FKBP7: variants seen among roughly 807,000 people sequenced by gnomAD.
The protein encoded by FKBP7 is peptidyl-prolyl cis-trans isomerase FKBP7.
A neutral mutation model predicts 24.3 loss-of-function variants in FKBP7; 24 were observed. The observed-to-expected ratio is 0.99, with a 90% CI of 0.72 to 1.39. The LOEUF (loss-of-function observed/expected upper bound fraction) is 1.39. Among genes scored for constraint, FKBP7 ranks in the 40% most tolerant of loss-of-function variants. FKBP7 has a pLI of 0.00. For missense variants in FKBP7, 257 were observed against 269.5 expected (o/e 0.95, Z 0.33); for synonymous variants, 98 against 92.8 (o/e 1.06, Z -0.32).
intron 2 of FKBP7, among the ~76,000 whole-genome samples, chr2:178,472,731 C>A (rs143865618): frequency 0.01 from 1,534 of 151,776 alleles, 34 homozygotes; most frequent in African/African-American, 0.035. Context: ...TGCCTGTAAT[C>A]CCAGCTCCTC....
chr2:178,471,416 T>G (rs1684844649), intron 2 of FKBP7, among the ~76,000 whole-genome samples: 1 of 152,094 alleles, frequency 6.6e-6, no homozygotes, highest in Non-Finnish European at 1.5e-5. Context: ...TTTCACCATG[T>G]TGGCCAGGCT....
chr2:178,477,152 C>G lies in FKBP7; in HGVS notation c.283G>C (p.Gly95Arg). The change falls in exon 2 of 4, where the codon GGC (glycine) becomes CGC (arginine). Residue 95 changes from glycine to arginine, a missense_variant. By Grantham distance (125) the Gly-to-Arg change is moderately radical. Coordinates refer to ENST00000424785, the MANE Select transcript of FKBP7 (RefSeq NM_181342.3). ...ATATCTGTCATAGCAATGTCTAGGC[C>G]TTTTATGACTTGCCCAACACCAAGA... ...FVLGVGQVIK[G>R]LDIAMTDMCP... The G allele has an allele frequency of 1.2e-6, 2 of 1,613,064 alleles. No homozygotes were observed. Among genetic ancestry groups the G allele is most frequent in the Non-Finnish European group, 1.7e-6 (2 of 1,179,556 alleles).
intron 2 of FKBP7, 21 bp downstream of exon 2, chr2:178,477,041 A>C: frequency 6.5e-7 from 1 of 1,538,204 alleles, no homozygotes; most frequent in Non-Finnish European, 8.8e-7. Flanking sequence ...TAAAACAAGA[A>C]ATTAAAATTA....
chr2:178,469,881 G>A (rs1375593091), intron 2 of FKBP7, 96 bp from the exon 3 acceptor site: 1 of 958,164 alleles, frequency 1.0e-6, no homozygotes, highest in African/African-American at 1.7e-5. Flanking sequence ...ATTTCATGTT[G>A]ATAAGAATTG....
In FKBP7 at chr2:178,477,316, T is replaced by C. The variant is rs565496166; in HGVS notation, c.222-103A>G. The C allele has an allele frequency of 2.1e-4, 244 of 1,148,350 alleles. 1 individual carries two copies. The highest frequency in any genetic ancestry group is 2.7e-4 in the Non-Finnish European group (218 of 797,716). The allele number at this position is 1,148,350 out of a possible 1,614,324, so 71.1% of individuals were successfully genotyped here. A position where few individuals can be genotyped will look rare whatever the true frequency, so the allele number is the denominator to read the frequency against. ...GAGTCCTCTCTAACCATCATTCCCA[T>C]ATAATCACTCTTTCTAAAACCCTTA... On this transcript the variant is annotated intron_variant, in intron 1 of 3. Transcript: ENST00000424785.
chr2:178,466,193 T>G (rs1240069265), intron 3 of FKBP7, among the ~76,000 whole-genome samples: 2 of 152,158 alleles, frequency 1.3e-5, no homozygotes, highest in Admixed American at 1.3e-4. Flanking sequence ...TAAACTGAAT[T>G]TTGTTGAAAC....
Position 178,478,586 on chromosome 2 carries a change from G to T in FKBP7, c.-87C>A, listed in dbSNP as rs1685083509. 6.4e-7 allele frequency: 1 copy of T among 1,562,556 alleles called. No individual in the cohort carries two copies. Among genetic ancestry groups the T allele is most frequent in the Admixed American group, 1.9e-5 (1 of 52,850 alleles). ...GGCCGAGTTCCGACGCGTGGCAGGC[G>T]TTGTCCTGCGTCACAAAGGGCCGGG... On this transcript the variant is annotated 5_prime_UTR_variant, in exon 1 of 4. Coordinates refer to ENST00000424785, the MANE Select transcript of FKBP7 (RefSeq NM_181342.3).
In FKBP7 at chr2:178,474,438, G is replaced by C. The variant is rs544707738; in HGVS notation, c.373+2624C>G. Among the ~76,000 whole-genome samples the C allele has an allele frequency of 1.4e-3, 212 of 152,288 alleles. 3 individuals carry two copies. The highest frequency in any genetic ancestry group is 4.7e-3 in the African/African-American group (196 of 41,536). On this transcript the variant is annotated intron_variant, in intron 2 of 3. Coordinates refer to ENST00000424785, the MANE Select transcript of FKBP7 (RefSeq NM_181342.3). ...AACTTTCAAATGGTACAAAATGTTAGAGTGAAAAGAAATCTTCTCATCCTT... is the reference window on the plus strand; with the variant it reads ...AACTTTCAAATGGTACAAAATGTTACAGTGAAAAGAAATCTTCTCATCCTT...
chr2:178,470,948 G>A (rs1047460988), intron 2 of FKBP7, among the ~76,000 whole-genome samples: 1 of 151,970 alleles, frequency 6.6e-6, no homozygotes, highest in Admixed American at 6.6e-5. Flanking sequence ...TGCAATCTCC[G>A]CTTACTGCAG....
chr2:178,477,238 T>C (rs1685037066), intron 1 of FKBP7, 25 bp from the exon 2 acceptor site: 1 of 1,599,658 alleles, frequency 6.3e-7, no homozygotes, highest in African/African-American at 1.4e-5. Context: ...AATACTTAAG[T>C]AAACTGATTT....
intron 2 of FKBP7, among the ~76,000 whole-genome samples, chr2:178,472,008 A>T (rs900534454): frequency 2.0e-5 from 3 of 152,002 alleles, no homozygotes; most frequent in Admixed American, 2.0e-4. Context: ...TCTCCTTATG[A>T]CAGAATTATT....
At position 178,465,730 on chromosome 2, in the gene FKBP7, C is replaced by T. The variant is rs1439521097; in HGVS notation, c.*40G>A. 2 of 1,493,572 alleles carry T rather than the reference C, an allele frequency of 1.3e-6. No homozygotes were observed. The highest frequency in any genetic ancestry group is 2.4e-5 in the East Asian group (1 of 41,208). The allele number at this position is 1,493,572 out of a possible 1,614,324, so 92.5% of individuals were successfully genotyped here. On this transcript the variant is annotated 3_prime_UTR_variant, in exon 4 of 4. Coordinates refer to ENST00000424785, the MANE Select transcript of FKBP7 (RefSeq NM_181342.3). ...GTGACTTTGTTTTATACATAAAGTA[C>T]AGTAAATAGCTAAAAAAAAAAAGTA...
chr2:178,473,770 A>G (rs1231107407), intron 2 of FKBP7, among the ~76,000 whole-genome samples: 1 of 152,260 alleles, frequency 6.6e-6, no homozygotes, highest in Non-Finnish European at 1.5e-5. Flanking sequence ...TTTGCCTAGA[A>G]GTGGCCTCAA....
In FKBP7 at chr2:178,475,821, A is replaced by G. The variant is rs193158196; in HGVS notation, c.373+1241T>C. Among the ~76,000 whole-genome samples, 221 of 152,252 alleles carry G rather than the reference A, an allele frequency of 1.5e-3. 5 individuals carry two copies. In the South Asian group the frequency reaches 0.022, roughly 15 times the overall value. ...GCAAGTCTTCATACATGTTACAAAC[A>G]TTTTTCCCGCTTATTTGCTTTACCT... On this transcript the variant is annotated intron_variant, in intron 2 of 3. Transcript: ENST00000424785.
At chr2:178,473,240 C>A (rs1684905175) in intron 2 of FKBP7, 1 of 457,210 alleles carries the variant, frequency 2.2e-6, no homozygotes, top group Non-Finnish European at 4.2e-6. Context: ...TACTTAAGGT[C>A]TACACTGCAA....
intron 2 of FKBP7, among the ~76,000 whole-genome samples, chr2:178,470,907 T>A (rs964926414): frequency 6.6e-6 from 1 of 152,260 alleles, no homozygotes; most frequent in African/African-American, 2.4e-5. Flanking sequence ...AGACGGCGTC[T>A]CACTCTGTTT....
At chr2:178,478,198 C>T in intron 1 of FKBP7, 81 bp downstream of exon 1, 1 of 1,527,524 alleles carries the variant, frequency 6.5e-7, no homozygotes, top group Non-Finnish European at 8.9e-7. Context: ...CCCAACCAAC[C>T]AACCAATGAG....
rs755730105 is a variant in FKBP7 at position 178,464,859 on chromosome 2, G to T, written c.*911C>A. 4 of 152,088 alleles carry T rather than the reference G, an allele frequency of 2.6e-5. No individual in the cohort carries two copies. The highest frequency in any genetic ancestry group is 5.9e-5 in the Non-Finnish European group (4 of 68,014). 9.4% of individuals were successfully genotyped at this position (152,088 alleles called of 1,614,324 possible). On this transcript the variant is annotated 3_prime_UTR_variant, in exon 4 of 4. Coordinates refer to ENST00000424785, the MANE Select transcript of FKBP7 (RefSeq NM_181342.3). Reference sequence around the variant, plus strand: ...TTGTTTGGCACATTTATCAAAATTTGACAGCATACCAATTTGTAATGATCA... The same window carrying T: ...TTGTTTGGCACATTTATCAAAATTTTACAGCATACCAATTTGTAATGATCA...
At chr2:178,469,576 G>T in intron 3 of FKBP7, 76 bp downstream of exon 3, 1 of 1,486,102 alleles carries the variant, frequency 6.7e-7, no homozygotes. Flanking sequence ...GACCTAAAAA[G>T]TAATAGTTGT....
Sources: allele counts gnomAD v4.1 joint callset (sites outside exome capture counted in the v4.1 genomes callset), GRCh38; gene constraint gnomAD v4.1.1; transcripts MANE v1.5; gene names NCBI Gene and HGNC (gene_info 2026-07-23, HGNC 2026-07-21).